Variants in DAOA observed in about 807,000 individuals in gnomAD.
DAOA encodes D-amino acid oxidase regulator.
A neutral mutation model predicts 16.4 loss-of-function variants in DAOA; 15 were observed. The observed-to-expected ratio is 0.91, with a 90% CI of 0.61 to 1.41. The LOEUF (loss-of-function observed/expected upper bound fraction) is 1.41, where lower values mean the gene tolerates loss of function less well. Ranked by LOEUF, DAOA falls within the 40% of genes most tolerant of loss-of-function variation. The pLI is 0.00. For missense variants in DAOA, 230 were observed against 176.8 expected, an observed-to-expected ratio of 1.30 and a Z score of -1.71; for synonymous variants, 75 against 59.1, an observed-to-expected ratio of 1.27 and a Z score of -1.23.
At chr13:105,468,889 G>A (rs1379483434) in intron 3 of DAOA, among the ~76,000 whole-genome samples, 2 of 152,184 alleles carry the variant, frequency 1.3e-5, no homozygotes, top group South Asian at 2.1e-4. Context: ...GAAAAGAAGC[G>A]AGATCTTGGA....
At chr13:105,472,143 G>A (rs961592103) in intron 3 of DAOA, among the ~76,000 whole-genome samples, 1 of 152,216 alleles carries the variant, frequency 6.6e-6, no homozygotes, top group South Asian at 2.1e-4. Context: ...CTATTTCATC[G>A]TGAGGTTTGG....
At chr13:105,474,830 G>A in intron 4 of DAOA, 1 of 192,924 alleles carries the variant, frequency 5.2e-6, no homozygotes, top group South Asian at 1.8e-4. Flanking sequence ...GTTTTCACAA[G>A]TGTCCTTAAG....
rs377573550 is a variant in DAOA at position 105,489,870 on chromosome 13, C to G, written c.282-31C>G. 3 of 1,613,576 alleles carry G rather than the reference C, an allele frequency of 1.9e-6. No homozygotes were observed. In the African/African-American group the frequency reaches 4.0e-5, roughly 22 times the overall value. On this transcript the variant is annotated intron_variant, in intron 4 of 5. Transcript: ENST00000375936. ...GGTGATGAGGTTACCTTTCACAAGA[C>G]CTGGCCAACTGAGACCGGATCTCCT... is the stretch of plus-strand genomic sequence containing the variant.
intron 4 of DAOA, among the ~76,000 whole-genome samples, chr13:105,475,985 T>C (rs1418807924): frequency 6.6e-6 from 1 of 152,170 alleles, no homozygotes; most frequent in African/African-American, 2.4e-5. Context: ...CACACACATA[T>C]ATATATACCC....
intron 4 of DAOA, among the ~76,000 whole-genome samples, chr13:105,476,290 T>C (rs1877323618): frequency 6.6e-6 from 1 of 152,058 alleles, no homozygotes; most frequent in Non-Finnish European, 1.5e-5. Context: ...TTTTTCCTTC[T>C]CCCTCTCAAC....
chr13:105,480,395 G>A (rs181354869), intron 4 of DAOA, among the ~76,000 whole-genome samples: 4 of 152,100 alleles, frequency 2.6e-5, no homozygotes. Flanking sequence ...GGAAGGAGAG[G>A]AATGTCAATG....
At chr13:105,486,142 A>G (rs1878090499) in intron 4 of DAOA, among the ~76,000 whole-genome samples, 1 of 152,168 alleles carries the variant, frequency 6.6e-6, no homozygotes, top group African/African-American at 2.4e-5. Flanking sequence ...TCAAACTTTT[A>G]GTGGCTCCTT....
At chr13:105,487,254 TG>T (rs1878182887) in intron 4 of DAOA, among the ~76,000 whole-genome samples, 1 of 152,184 alleles carries the variant, frequency 6.6e-6, no homozygotes, top group Admixed American at 6.5e-5. Flanking sequence ...TGCTCCCCAT[TG>T]ACTCCTCATG....
At chr13:105,470,957 A>AT (rs1306934428) in intron 3 of DAOA, among the ~76,000 whole-genome samples, 4 of 152,008 alleles carry the variant, frequency 2.6e-5, no homozygotes, top group African/African-American at 9.7e-5. Context: ...AGCCTGGCTA[A>AT]TTTTTTGTTT....
At chr13:105,476,339 T>C (rs1359456468) in intron 4 of DAOA, among the ~76,000 whole-genome samples, 3 of 152,058 alleles carry the variant, frequency 2.0e-5, no homozygotes, top group Non-Finnish European at 2.9e-5. Flanking sequence ...CAAATGTCTA[T>C]GTTTTGACTT....
chr13:105,486,567 C>T (rs1878123911), intron 4 of DAOA, among the ~76,000 whole-genome samples: 1 of 151,782 alleles, frequency 6.6e-6, no homozygotes, highest in Non-Finnish European at 1.5e-5. Flanking sequence ...ATGCAGCATT[C>T]ATGAACGCTC....
At chr13:105,479,461 A>G (rs1486881761) in intron 4 of DAOA, among the ~76,000 whole-genome samples, 3 of 152,178 alleles carry the variant, frequency 2.0e-5, no homozygotes. Context: ...GGAGGGTAGA[A>G]GTCTGAAATT....
intron 3 of DAOA, among the ~76,000 whole-genome samples, chr13:105,470,417 T>C (rs1231041937): frequency 6.6e-6 from 1 of 152,164 alleles, no homozygotes; most frequent in African/African-American, 2.4e-5. Flanking sequence ...GCCTTTTTTA[T>C]CATTCTCATT....
At chr13:105,468,670 C>T (rs1391251088) in intron 3 of DAOA, among the ~76,000 whole-genome samples, 1 of 152,138 alleles carries the variant, frequency 6.6e-6, no homozygotes, top group Non-Finnish European at 1.5e-5. Context: ...TAATTAGAAA[C>T]AATTTTCATT....
chr13:105,466,230 A>G lies in DAOA; in HGVS notation c.-59A>G. ...TGTTGGTCCAGGATTTGGAAAGGGC[A>G]TGGCAGGAGGTCTCATCTCTGCTTC... On this transcript the variant is annotated 5_prime_UTR_variant, in exon 2 of 6. An upstream start codon of the reference 5' UTR is lost. Transcript: ENST00000375936. The G allele has an allele frequency of 6.2e-7, 1 of 1,612,082 alleles. No individual in the cohort carries two copies.
chr13:105,488,009 G>A (rs996913417), intron 4 of DAOA, among the ~76,000 whole-genome samples: 7 of 152,132 alleles, frequency 4.6e-5, no homozygotes, highest in African/African-American at 1.7e-4. Context: ...ATTTTTAACA[G>A]GGGAAAAAGG....
rs1388136664 is a variant in DAOA, at chr13:105,490,080, G to A, written c.461G>A (p.Ter154=). Residue 154 remains the stop codon, a stop_retained_variant, in exon 5 of 6, where the codon TGA becomes TAA. Coordinates refer to ENST00000375936, the MANE Select transcript of DAOA (RefSeq NM_172370.5). ...GAAATAACTTCTACCAAAGCTGAAT[G>A]AGTTTGGAAGCAGATTCTTCCCAGC... ...HKEITSTKAE[*] 1 of 1,551,816 alleles carries A rather than the reference G, an allele frequency of 6.4e-7. No individual in the cohort carries two copies. Among genetic ancestry groups the A allele is most frequent in the Non-Finnish European group, 8.7e-7 (1 of 1,146,466 alleles).
rs184131500 is a variant in DAOA at position 105,475,932 on chromosome 13, C to T, written c.281+3247C>T. On this transcript the variant is annotated intron_variant, in intron 4 of 5. Transcript: ENST00000375936. ...ATTCACATTTATTTTGTGTGTTTTG[C>T]ATAAAGAAAAACTAAGAACTGCACA... Among the ~76,000 whole-genome samples, 4 of 152,030 alleles carry T rather than the reference C, an allele frequency of 2.6e-5. No individual in the cohort carries two copies. In the East Asian group the frequency reaches 7.7e-4, roughly 29 times the overall value.
intron 4 of DAOA, among the ~76,000 whole-genome samples, chr13:105,485,721 G>C (rs1187744957): frequency 7.2e-5 from 11 of 152,138 alleles, no homozygotes; most frequent in Admixed American, 7.2e-4. Flanking sequence ...TACAGAGGCA[G>C]ACATACACGG....
Sources: allele counts gnomAD v4.1 joint callset (sites outside exome capture counted in the v4.1 genomes callset), GRCh38; gene constraint gnomAD v4.1.1; transcripts MANE v1.5; gene names NCBI Gene and HGNC (gene_info 2026-07-23, HGNC 2026-07-21).